DLG2: variants seen among roughly 807,000 people sequenced by gnomAD.
The protein encoded by DLG2 is discs large MAGUK scaffold protein 2, also known as disks large homolog 2.
In DLG2, 45 loss-of-function variants were observed where a neutral mutation model predicts 132.5. The observed-to-expected ratio is 0.34, with a 90% CI of 0.27 to 0.44. The LOEUF (loss-of-function observed/expected upper bound fraction) is 0.44. Ranked by LOEUF, DLG2 falls within the 20% of genes least tolerant of loss-of-function variation. The pLI, the probability that DLG2 is intolerant of heterozygous loss-of-function variation, is 1.00. For synonymous variants in DLG2, 424 were observed against 419.6 expected, an observed-to-expected ratio of 1.01 and a Z score of -0.13; for missense variants, 1,045 against 1,196.9, an observed-to-expected ratio of 0.87 and a Z score of 1.87.
chr11:85,508,944 G>C (rs1334194014), intron 3 of DLG2, among the ~76,000 whole-genome samples: 1 of 152,008 alleles, frequency 6.6e-6, no homozygotes, highest in Non-Finnish European at 1.5e-5. Context: ...TGATGTTGAA[G>C]CATATAAAAA....
chr11:83,497,658 C>T (rs554081340), intron 21 of DLG2, among the ~76,000 whole-genome samples: 25 of 152,056 alleles, frequency 1.6e-4, no homozygotes, highest in Non-Finnish European at 3.1e-4. Flanking sequence ...TTCTTATGCT[C>T]AATGATCTCA....
chr11:84,568,222 C>T (rs1238986492), intron 6 of DLG2, among the ~76,000 whole-genome samples: 6 of 152,142 alleles, frequency 3.9e-5, no homozygotes, highest in Non-Finnish European at 7.4e-5. Flanking sequence ...CGCCAACCAA[C>T]CTCTGGCTGA....
chr11:85,169,414 G>T lies in DLG2; in HGVS notation c.187-14763C>A, dbSNP rs376274927. On this transcript the variant is annotated intron_variant, in intron 4 of 27. Transcript: ENST00000376104. ...AAACGGTACGTAAATGTATTAACAT[G>T]CAAGTGTGCACATACAAACTATGTA... is the stretch of plus-strand genomic sequence containing the variant. Among the ~76,000 whole-genome samples, 22 of 152,240 alleles carry T rather than the reference G, an allele frequency of 1.4e-4. No homozygotes were observed. In the East Asian group the frequency reaches 2.7e-3, roughly 19 times the overall value.
At chr11:83,601,745 A>G (rs1434981372) in intron 19 of DLG2, among the ~76,000 whole-genome samples, 1 of 150,434 alleles carries the variant, frequency 6.6e-6, no homozygotes, top group African/African-American at 2.4e-5. Flanking sequence ...CTGATCTCGA[A>G]CTCCTGGGCT....
intron 13 of DLG2, 56 bp from the exon 14 acceptor site, chr11:83,963,079 T>A: frequency 6.4e-7 from 1 of 1,568,054 alleles, no homozygotes; most frequent in Non-Finnish European, 8.8e-7. Context: ...ATTCAATGTG[T>A]CATGCTATAC....
At chr11:85,177,446 CACTT>C (rs1236673310) in intron 4 of DLG2, among the ~76,000 whole-genome samples, 2 of 151,986 alleles carry the variant, frequency 1.3e-5, no homozygotes, top group African/African-American at 4.8e-5. Context: ...CACATGTTCT[CACTT>C]ATAAGTGGGA....
chr11:84,119,034 T>C lies in DLG2; in HGVS notation c.625-19987A>G, dbSNP rs552331427. Among the ~76,000 whole-genome samples the C allele has an allele frequency of 2.0e-4, 30 of 152,288 alleles. No homozygotes were observed. The Middle Eastern group carries it at 0.017, about 86-fold the overall frequency. ...AAATGATAGACCAACCTCCAGAGTA[T>C]TGGCTTCGACCTCAAGCAAATTATA... On this transcript the variant is annotated intron_variant, in intron 9 of 27. Transcript: ENST00000376104.
chr11:83,738,878 T>C (rs1004730906), intron 18 of DLG2, among the ~76,000 whole-genome samples: 1 of 152,184 alleles, frequency 6.6e-6, no homozygotes, highest in Admixed American at 6.5e-5. Flanking sequence ...GCCATCAAGG[T>C]GAACTTTTAA....
chr11:84,580,667 A>G (rs4511298), intron 6 of DLG2, among the ~76,000 whole-genome samples: 147,995 of 152,300 alleles, frequency 0.97, 71,951 homozygotes, highest in East Asian at 1. Flanking sequence ...AAGAATCCCC[A>G]TTGAAACACT....
intron 6 of DLG2, among the ~76,000 whole-genome samples, chr11:84,745,757 T>C (rs2065280636): frequency 6.6e-6 from 1 of 152,208 alleles, no homozygotes; most frequent in African/African-American, 2.4e-5. Context: ...AGATCAAATA[T>C]TTATCAATCC....
chr11:84,422,356 C>CT (rs1388156488), intron 7 of DLG2, among the ~76,000 whole-genome samples: 2 of 152,092 alleles, frequency 1.3e-5, no homozygotes, highest in African/African-American at 4.8e-5. Flanking sequence ...TTTTAATAGC[C>CT]TACCGCAGTT....
At chr11:83,918,642 G>C (rs1405885688) in intron 15 of DLG2, among the ~76,000 whole-genome samples, 1 of 152,138 alleles carries the variant, frequency 6.6e-6, no homozygotes, top group East Asian at 1.9e-4. Flanking sequence ...ATGAAAATCA[G>C]GGCAGGGAAC....
chr11:83,527,845 T>C (rs1271632170), intron 21 of DLG2, among the ~76,000 whole-genome samples: 1 of 152,160 alleles, frequency 6.6e-6, no homozygotes, highest in Non-Finnish European at 1.5e-5. Flanking sequence ...AATCACTAAA[T>C]AGTCATTGAT....
intron 22 of DLG2, among the ~76,000 whole-genome samples, chr11:83,477,373 T>C (rs903844582): frequency 1.3e-5 from 2 of 152,152 alleles, no homozygotes; most frequent in Non-Finnish European, 2.9e-5. Flanking sequence ...AATGTACACT[T>C]TATCAGCTGC....
chr11:84,040,814 T>C (rs1431812149), intron 11 of DLG2, among the ~76,000 whole-genome samples: 1 of 151,974 alleles, frequency 6.6e-6, no homozygotes, highest in Admixed American at 6.6e-5. Context: ...CCTTGGGCAG[T>C]ATGGCCATTT....
intron 3 of DLG2, among the ~76,000 whole-genome samples, chr11:85,517,846 A>G (rs2094199512): frequency 6.6e-6 from 1 of 152,166 alleles, no homozygotes; most frequent in Non-Finnish European, 1.5e-5. Context: ...AGATAACTGA[A>G]TCATGGAGGC....
chr11:84,444,923 C>A (rs1287540112), intron 7 of DLG2, among the ~76,000 whole-genome samples: 1 of 152,056 alleles, frequency 6.6e-6, no homozygotes, highest in African/African-American at 2.4e-5. Context: ...CTGCCTCCGC[C>A]TCCCGAATAG....
At chr11:84,576,748 T>A (rs2099501147) in intron 6 of DLG2, among the ~76,000 whole-genome samples, 1 of 152,232 alleles carries the variant, frequency 6.6e-6, no homozygotes, top group Non-Finnish European at 1.5e-5. Context: ...GGTAGTTTAT[T>A]TCTGCAAATG....
intron 9 of DLG2, among the ~76,000 whole-genome samples, chr11:84,150,205 T>C (rs545157851): frequency 6.6e-6 from 1 of 152,340 alleles, no homozygotes; most frequent in Non-Finnish European, 1.5e-5. Context: ...GGAATGGTTT[T>C]CCATTTGTTT....
Sources: allele counts gnomAD v4.1 joint callset (sites outside exome capture counted in the v4.1 genomes callset), GRCh38; gene constraint gnomAD v4.1.1; transcripts MANE v1.5; gene names NCBI Gene and HGNC (gene_info 2026-07-23, HGNC 2026-07-21).